The following SNAPIN variants were observed in gnomAD, a reference collection of about 807,000 sequenced individuals.
SNAPIN encodes SNARE-associated protein Snapin.
Under a neutral mutation model 15.9 loss-of-function variants are expected in SNAPIN, and 16 were observed. The ratio of observed to expected loss-of-function variants is 1.01; its 90% CI spans 0.68 to 1.53. SNAPIN has a LOEUF of 1.53. Ranked by LOEUF, SNAPIN falls within the 40% of genes most tolerant of loss-of-function variation. SNAPIN has a pLI of 0.00. For missense variants in SNAPIN, 186 were observed against 180.1 expected (o/e 1.03, Z -0.19); for synonymous variants, 83 against 76.2 (o/e 1.09, Z -0.46).
At position 153,661,357 on chromosome 1, in the gene SNAPIN, A is replaced by G; in HGVS notation, c.*56A>G. Reference sequence around the variant, plus strand: ...TACTGTTCCCCAGCTGCCTTGTTTCAACAGACATGCAAAGATCCTAGGAGA... The same window carrying G: ...TACTGTTCCCCAGCTGCCTTGTTTCGACAGACATGCAAAGATCCTAGGAGA... On this transcript the variant is annotated 3_prime_UTR_variant, in exon 4 of 4. Coordinates refer to ENST00000368685, the MANE Select transcript of SNAPIN (RefSeq NM_012437.6). The G allele has an allele frequency of 7.5e-7, 1 of 1,331,334 alleles. No homozygotes were observed. Among genetic ancestry groups the G allele is most frequent in the Non-Finnish European group, 1.1e-6 (1 of 929,504 alleles). The allele number at this position is 1,331,334 out of a possible 1,614,324, so 82.5% of individuals were successfully genotyped here. A position where few individuals can be genotyped will look rare whatever the true frequency, so the allele number is the denominator to read the frequency against.
chr1:153,658,822 G>A lies in SNAPIN; in HGVS notation c.79G>A (p.Glu27Lys). The A allele has an allele frequency of 6.3e-7, 1 of 1,596,526 alleles. No homozygotes were observed. The highest frequency in any genetic ancestry group is 8.5e-7 in the Non-Finnish European group (1 of 1,175,564). ...AGPTGRDLFAEGLLEFLRPAV... is the reference protein window; with the variant it reads ...AGPTGRDLFAKGLLEFLRPAV... ...GCCCACAGGCCGCGACCTTTTCGCC[G>A]AAGGGCTGCTGGAGTTCCTGCGACC... Residue 27 changes from glutamate to lysine, a missense_variant, in exon 1 of 4, where the codon GAA becomes AAA. Physicochemically the swap from Glu to Lys is moderately conservative, Grantham distance 56. Coordinates refer to ENST00000368685, the MANE Select transcript of SNAPIN (RefSeq NM_012437.6).
intron 1 of SNAPIN, 48 bp downstream of exon 1, chr1:153,658,934 A>AGG (rs771279436): frequency 6.2e-5 from 99 of 1,602,056 alleles, no homozygotes; most frequent in Non-Finnish European, 8.0e-5. Flanking sequence ...CTGGCTTTGT[A>AGG]GGGGCGGGGC....
intron 3 of SNAPIN, among the ~76,000 whole-genome samples, chr1:153,659,817 G>A (rs1476968455): frequency 6.6e-6 from 1 of 152,120 alleles, no homozygotes; most frequent in Non-Finnish European, 1.5e-5. Context: ...TCAGCTCGCT[G>A]CAACCTCCGC....
chr1:153,661,303 A>G lies in SNAPIN; in HGVS notation c.*2A>G. On this transcript the variant is annotated 3_prime_UTR_variant, in exon 4 of 4. Coordinates refer to ENST00000368685, the MANE Select transcript of SNAPIN (RefSeq NM_012437.6). Reference sequence around the variant, plus strand: ...CCCCCTGGCTCCCCAGGCAAATAACAGATGAGCCTATGGACTCAGTAGCAC... The same window carrying G: ...CCCCCTGGCTCCCCAGGCAAATAACGGATGAGCCTATGGACTCAGTAGCAC... 6.2e-7 allele frequency: 1 copy of G among 1,609,064 alleles called. No individual in the cohort carries two copies. Among genetic ancestry groups the G allele is most frequent in the Non-Finnish European group, 8.5e-7 (1 of 1,175,676 alleles).
rs1465879666 is a variant in SNAPIN, at chr1:153,661,469, A to G, written c.*168A>G. The G allele has an allele frequency of 6.2e-6, 3 of 482,774 alleles. No homozygotes were observed. The highest frequency in any genetic ancestry group is 2.8e-5 in the South Asian group (1 of 35,658). The allele number at this position is 482,774 out of a possible 1,614,324, so 29.9% of individuals were successfully genotyped here. A position where few individuals can be genotyped will look rare whatever the true frequency, so the allele number is the denominator to read the frequency against. ...TCTTACCCATTTATGTAGGGGCCCC[A>G]GGAAACCTACACACAGCCAGAATGA... On this transcript the variant is annotated 3_prime_UTR_variant, in exon 4 of 4. Transcript: ENST00000368685.
Position 153,660,113 on chromosome 1 carries a change from C to G in SNAPIN, c.309+547C>G, listed in dbSNP as rs573812734. 6.7e-4 allele frequency among the ~76,000 whole-genome samples: 102 copies of G among 152,258 alleles called. 1 individual carries two copies. Among genetic ancestry groups the G allele is most frequent in the African/African-American group, 2.3e-3 (96 of 41,562 alleles). ...TAAAGGCTCACTGCAGCCTCTACCT[C>G]CCAGGCTCAAGCGATCCATCCACCT... On this transcript the variant is annotated intron_variant, in intron 3 of 3. Coordinates refer to ENST00000368685, the MANE Select transcript of SNAPIN (RefSeq NM_012437.6).
Position 153,658,836 on chromosome 1 carries a change from G to T in SNAPIN, c.93G>T (p.Glu31Asp). 1.2e-6 allele frequency: 2 copies of T among 1,601,572 alleles called. No homozygotes were observed. Among genetic ancestry groups the T allele is most frequent in the Admixed American group, 3.6e-5 (2 of 55,192 alleles). Residue 31 changes from glutamate to aspartate, a missense_variant, in exon 1 of 4, where the codon GAG becomes GAT. Transcript: ENST00000368685. ...GRDLFAEGLL[E>D]FLRPAVQQLD... ...ACCTTTTCGCCGAAGGGCTGCTGGAGTTCCTGCGACCCGCTGTGCAGCAGC... is the reference window on the plus strand; with the variant it reads ...ACCTTTTCGCCGAAGGGCTGCTGGATTTCCTGCGACCCGCTGTGCAGCAGC...
upstream of SNAPIN, chr1:153,658,685 G>A (rs868037587): frequency 6.8e-6 from 10 of 1,473,794 alleles, no homozygotes; most frequent in Non-Finnish European, 8.9e-6. Flanking sequence ...GGGCAGTGCG[G>A]CGCGGCTCCG....
Position 153,658,783 on chromosome 1 carries a change from A to G in SNAPIN, c.40A>G (p.Thr14Ala). The G allele has an allele frequency of 6.3e-7, 1 of 1,582,448 alleles. No homozygotes were observed. Among genetic ancestry groups the G allele is most frequent in the Admixed American group, 2.0e-5 (1 of 49,546 alleles). The change falls in exon 1 of 4, where the codon ACC becomes GCC. Residue 14 changes from threonine (T) to alanine (A), a missense_variant. Coordinates refer to ENST00000368685, the MANE Select transcript of SNAPIN (RefSeq NM_012437.6). ...TTCCGCCGCTGTATCGGGGGCAGGG[A>G]CCCCGGTGGCGGGGCCCACAGGCCG... ...AGSAAVSGAGTPVAGPTGRDL... is the reference protein window; with the variant it reads ...AGSAAVSGAGAPVAGPTGRDL...
intron 3 of SNAPIN, 151 bp downstream of exon 3, chr1:153,659,717 TCAC>T (rs1669100673): frequency 4.7e-6 from 3 of 637,278 alleles, no homozygotes; most frequent in Non-Finnish European, 8.4e-6. Flanking sequence ...CGTCTCATTC[TCAC>T]TATTCAGTTG....
chr1:153,661,301 A>G lies in SNAPIN; in HGVS notation c.411A>G (p.Ter137=), dbSNP rs1557949811. The G allele has an allele frequency of 6.2e-7, 1 of 1,610,208 alleles. No individual in the cohort carries two copies. ...GIYPPGSPGK[*] ...ACCCCCCTGGCTCCCCAGGCAAATAACAGATGAGCCTATGGACTCAGTAGC... is the reference window on the plus strand; with the variant it reads ...ACCCCCCTGGCTCCCCAGGCAAATAGCAGATGAGCCTATGGACTCAGTAGC... Residue 137 remains the stop codon, a stop_retained_variant, in exon 4 of 4, where the codon TAA becomes TAG. Coordinates refer to ENST00000368685, the MANE Select transcript of SNAPIN (RefSeq NM_012437.6).
Position 153,661,209 on chromosome 1 carries a change from A to T in SNAPIN, c.319A>T (p.Arg107Ter). The change falls in exon 4 of 4, where the codon AGA (arginine) becomes TGA (stop). Residue 107 changes from arginine (R) to a stop codon, truncating the protein, a stop_gained. Transcript: ENST00000368685. LOFTEE classifies it high-confidence loss of function. ...NILQNAQERLRRLNHSVAKET... is the reference protein window; with the variant it reads ...NILQNAQERL ...CTTCCTTGTCTTGTAGGAACGACTGAGACGGCTAAACCACAGTGTTGCCAA... is the reference window on the plus strand; with the variant it reads ...CTTCCTTGTCTTGTAGGAACGACTGTGACGGCTAAACCACAGTGTTGCCAA... The T allele has an allele frequency of 1.9e-6, 3 of 1,613,618 alleles. No homozygotes were observed. The highest frequency in any genetic ancestry group is 2.5e-6 in the Non-Finnish European group (3 of 1,179,644).
Position 153,661,295 on chromosome 1 carries a change from C to G in SNAPIN, c.405C>G (p.Gly135=), listed in dbSNP as rs766891267. The G allele has an allele frequency of 3.1e-6, 5 of 1,612,100 alleles. No individual in the cohort carries two copies. In the Admixed American group the frequency reaches 8.3e-5, roughly 27 times the overall value. ...GAATTTACCCCCCTGGCTCCCCAGGCAAATAACAGATGAGCCTATGGACTC... is the reference window on the plus strand; with the variant it reads ...GAATTTACCCCCCTGGCTCCCCAGGGAAATAACAGATGAGCCTATGGACTC... The part of the protein sequence containing the change: ...DSGIYPPGSP[G]K Residue 135 remains glycine (G), a synonymous_variant, in exon 4 of 4, where the codon GGC becomes GGG. Transcript: ENST00000368685.
At position 153,661,237 on chromosome 1, in the gene SNAPIN, A is replaced by G; in HGVS notation, c.347A>G (p.Glu116Gly). 2 of 1,613,860 alleles carry G rather than the reference A, an allele frequency of 1.2e-6. No homozygotes were observed. Among genetic ancestry groups the G allele is most frequent in the Non-Finnish European group, 1.7e-6 (2 of 1,179,836 alleles). ...CGGCTAAACCACAGTGTTGCCAAGG[A>G]AACAGCCCGCAGGAGAGCAATGCTG... is the stretch of plus-strand genomic sequence containing the variant. ...LRRLNHSVAK[E>G]TARRRAMLDS... The change falls in exon 4 of 4, where the codon GAA becomes GGA. Residue 116 changes from glutamate to glycine, a missense_variant. Glu to Gly is a moderately conservative substitution (Grantham distance 98). Transcript: ENST00000368685.
Position 153,659,508 on chromosome 1 carries a change from A to G in SNAPIN, c.251A>G (p.Lys84Arg), listed in dbSNP as rs1669096885. Residue 84 changes from lysine to arginine, a missense_variant, in exon 3 of 4, where the codon AAG becomes AGG. Transcript: ENST00000368685. The part of the protein sequence containing the change: ...VALDLDPYVK[K>R]LLNARRRVVL... ...CTGGATCTTGACCCCTATGTTAAGA[A>G]GCTACTTAATGCCCGGCGACGCGTT... The G allele has an allele frequency of 1.2e-6, 2 of 1,614,096 alleles. No individual in the cohort carries two copies. Among genetic ancestry groups the G allele is most frequent in the South Asian group, 2.2e-5 (2 of 91,092 alleles).
chr1:153,659,120 C>T lies in SNAPIN; in HGVS notation c.144-18C>T. 1 of 1,613,886 alleles carries T rather than the reference C, an allele frequency of 6.2e-7. No individual in the cohort carries two copies. Among genetic ancestry groups the T allele is most frequent in the Non-Finnish European group, 8.5e-7 (1 of 1,179,782 alleles). ...TCCGGTAACTGCCTGACCTTGTAGG[C>T]CTTGTACCTCTTTGCAGAGAGAGCC... On this transcript the variant is annotated intron_variant, in intron 1 of 3. Coordinates refer to ENST00000368685, the MANE Select transcript of SNAPIN (RefSeq NM_012437.6).
chr1:153,659,563 T>C lies in SNAPIN; in HGVS notation c.306T>C (p.Ala102=), dbSNP rs796549715. ...VVLVNNILQN[A]QERLRRLNHS... ...TGGTTAACAACATTCTACAGAATGC[T>C]CAGGTAAAAGAATATCTTACCAACA... Residue 102 remains alanine (A), a synonymous_variant, in exon 3 of 4, where the codon GCT becomes GCC. Coordinates refer to ENST00000368685, the MANE Select transcript of SNAPIN (RefSeq NM_012437.6). The C allele has an allele frequency of 1.2e-6, 2 of 1,605,352 alleles. No individual in the cohort carries two copies. Among genetic ancestry groups the C allele is most frequent in the South Asian group, 2.2e-5 (2 of 90,940 alleles).
Position 153,658,770 on chromosome 1 carries a change from A to G in SNAPIN, c.27A>G (p.Val9=). The G allele has an allele frequency of 6.3e-7, 1 of 1,576,778 alleles. No individual in the cohort carries two copies. The highest frequency in any genetic ancestry group is 8.6e-7 in the Non-Finnish European group (1 of 1,168,500). The change falls in exon 1 of 4, where the codon GTA becomes GTG. Residue 9 remains valine (V), a synonymous_variant. Transcript: ENST00000368685. ...TGGCGGGGGCTGGTTCCGCCGCTGT[A>G]TCGGGGGCAGGGACCCCGGTGGCGG... MAGAGSAA[V]SGAGTPVAGP...
chr1:153,660,651 G>GAAA (rs936959398), intron 3 of SNAPIN, among the ~76,000 whole-genome samples: 17 of 112,514 alleles, frequency 1.5e-4, no homozygotes, highest in African/African-American at 4.6e-4. Context: ...TCCGTCTCGG[G>GAAA]AAAAAAAAAA....
Sources: gnomAD v4.1 joint callset for allele counts (sites outside exome capture counted in the v4.1 genomes callset) on GRCh38, gnomAD v4.1.1 for gene constraint, MANE v1.5 for transcripts, NCBI Gene and HGNC (gene_info 2026-07-23, HGNC 2026-07-21) for gene names.